Variants in CUL2 observed in about 807,000 individuals in gnomAD.
The protein encoded by CUL2 is cullin-2.
Under a neutral mutation model 110.2 loss-of-function variants are expected in CUL2, and 22 were observed. The ratio of observed to expected loss-of-function variants is 0.20; its 90% confidence interval spans 0.14 to 0.28. CUL2 has a LOEUF of 0.28. Among genes scored for constraint, CUL2 ranks in the 10% least tolerant of loss-of-function variants. The pLI is 1.00. For synonymous variants in CUL2, 279 were observed against 293.2 expected (o/e 0.95, Z 0.49); for missense variants, 631 against 905.5 (o/e 0.70, Z 3.89).
At chr10:35,112,449 C>A (rs2087534727) in intron 1 of CUL2, among the ~76,000 whole-genome samples, 1 of 152,152 alleles carries the variant, frequency 6.6e-6, no homozygotes, top group Non-Finnish European at 1.5e-5. Flanking sequence ...GTAAAGGGAA[C>A]CCAGACAGAG....
intron 6 of CUL2, among the ~76,000 whole-genome samples, chr10:35,045,889 C>A (rs980988047): frequency 6.6e-6 from 1 of 152,162 alleles, no homozygotes; most frequent in African/African-American, 2.4e-5. Context: ...ATAATTTCTT[C>A]TTTGCATTAA....
intron 9 of CUL2, among the ~76,000 whole-genome samples, chr10:35,035,624 C>T (rs1270974259): frequency 2.0e-5 from 3 of 152,184 alleles, no homozygotes; most frequent in Non-Finnish European, 4.4e-5. Flanking sequence ...CCTATCAGTA[C>T]ACAAAGCATT....
chr10:35,022,276 T>C (rs928210695), intron 17 of CUL2, among the ~76,000 whole-genome samples: 4 of 152,196 alleles, frequency 2.6e-5, no homozygotes, highest in Non-Finnish European at 5.9e-5. Context: ...AGCTAATAAG[T>C]TGTGAGCTAA....
intron 8 of CUL2, among the ~76,000 whole-genome samples, chr10:35,044,063 A>AAAAC (rs2085871205): frequency 1.4e-5 from 2 of 143,326 alleles, no homozygotes; most frequent in African/African-American, 5.9e-5. Context: ...AAAAAAAAAA[A>AAAAC]AAAAAAAAAA....
intron 1 of CUL2, among the ~76,000 whole-genome samples, chr10:35,081,496 A>G (rs1322811258): frequency 6.6e-6 from 1 of 152,180 alleles, no homozygotes; most frequent in African/African-American, 2.4e-5. Flanking sequence ...TAAATTAGAG[A>G]ATTTGAATTT....
chr10:35,078,765 T>C (rs1341534367), intron 1 of CUL2, among the ~76,000 whole-genome samples: 5 of 152,234 alleles, frequency 3.3e-5, no homozygotes, highest in Non-Finnish European at 5.9e-5. Flanking sequence ...ATAATGTAAA[T>C]GGCTAACCAC....
In CUL2 at chr10:35,035,242, A is replaced by G; in HGVS notation, c.932T>C (p.Met311Thr). The G allele has an allele frequency of 1.2e-6, 2 of 1,614,208 alleles. No homozygotes were observed. The highest frequency in any genetic ancestry group is 1.7e-6 in the Non-Finnish European group (2 of 1,180,028). ...LRAVSTGLPH[M>T]IQELQNHIHD... is the part of the protein sequence containing the mutation. Reference sequence around the variant, plus strand: ...GATGTGGTTTTGCAGCTCCTGAATCATATGAGGTAAACCAGTGGACACAGC... The same window carrying G: ...GATGTGGTTTTGCAGCTCCTGAATCGTATGAGGTAAACCAGTGGACACAGC... Residue 311 changes from methionine (M) to threonine (T), a missense_variant, in exon 10 of 21, where the codon ATG becomes ACG. Around this residue, in one of 3 missense-constraint regions of CUL2, gnomAD observed 338 missense variants for 442.5 expected, o/e 0.76. Transcript: ENST00000374749.
At chr10:35,051,610 C>T (rs1236307744) in intron 5 of CUL2, among the ~76,000 whole-genome samples, 1 of 152,166 alleles carries the variant, frequency 6.6e-6, no homozygotes, top group Non-Finnish European at 1.5e-5. Context: ...GACTCCGTCT[C>T]AAAACAACAA....
chr10:35,020,669 T>C (rs1306090326), intron 17 of CUL2, among the ~76,000 whole-genome samples: 1 of 152,202 alleles, frequency 6.6e-6, no homozygotes, highest in African/African-American at 2.4e-5. Context: ...CTACAACTTC[T>C]TGCTCTGCCA....
intron 20 of CUL2, among the ~76,000 whole-genome samples, chr10:35,011,508 C>A (rs533735204): frequency 6.6e-6 from 1 of 152,164 alleles, no homozygotes; most frequent in East Asian, 1.9e-4. Flanking sequence ...TTCCCAACTA[C>A]TCGGGAGGCT....
intron 1 of CUL2, among the ~76,000 whole-genome samples, chr10:35,073,277 T>G (rs79714044): frequency 0.15 from 22,960 of 151,924 alleles, 1,959 homozygotes; most frequent in East Asian, 0.24. Flanking sequence ...AAGGTGAGAG[T>G]GGAGGAGGTG....
intron 1 of CUL2, among the ~76,000 whole-genome samples, chr10:35,125,621 A>G (rs956863767): frequency 3.3e-5 from 5 of 152,266 alleles, no homozygotes; most frequent in Admixed American, 1.3e-4. Flanking sequence ...AGCTTCTTAG[A>G]AACTGGTTTT....
At chr10:35,096,233 G>T (rs868287671) in intron 2 of CUL2, among the ~76,000 whole-genome samples, 12 of 151,396 alleles carry the variant, frequency 7.9e-5, no homozygotes, top group South Asian at 2.1e-4. Flanking sequence ...ACAGAGTAAG[G>T]CTCTGTCTCA....
At position 35,010,429 on chromosome 10, in the gene CUL2, G is replaced by T; in HGVS notation, c.2120C>A (p.Ser707Ter). The T allele has an allele frequency of 1.2e-6, 2 of 1,608,990 alleles. No homozygotes were observed. The highest frequency in any genetic ancestry group is 2.2e-5 in the South Asian group (2 of 90,266). The change falls in exon 21 of 21, where the codon TCA becomes TAA. Residue 707 changes from serine to a stop codon, truncating the protein, a stop_gained. Coordinates refer to ENST00000374749, the MANE Select transcript of CUL2 (RefSeq NM_003591.4). LOFTEE classifies it high-confidence loss of function. Reference sequence around the variant, plus strand: ...GATACTGGGATTAAACCTAGCTCTTGACTGGCTAATCACCTGTGGAAGAGA... The same window carrying T: ...GATACTGGGATTAAACCTAGCTCTTTACTGGCTAATCACCTGTGGAAGAGA... ...NALIQEVISQ[S>*]RARFNPSISM...
At chr10:35,082,449 G>A (rs1348998770) in intron 1 of CUL2, among the ~76,000 whole-genome samples, 2 of 152,108 alleles carry the variant, frequency 1.3e-5, no homozygotes, top group African/African-American at 2.4e-5. Context: ...GTCTAGTAAC[G>A]AAAAAGTTTT....
chr10:35,037,073 C>A (rs2085640994), intron 9 of CUL2, among the ~76,000 whole-genome samples: 1 of 152,020 alleles, frequency 6.6e-6, no homozygotes, highest in Non-Finnish European at 1.5e-5. Context: ...CTTTTTGTGT[C>A]CTATTTAAAA....
At chr10:35,117,796 C>T (rs1299819723) in intron 1 of CUL2, among the ~76,000 whole-genome samples, 1 of 152,138 alleles carries the variant, frequency 6.6e-6, no homozygotes, top group Non-Finnish European at 1.5e-5. Flanking sequence ...AAATATGTGA[C>T]CTTGAATTCT....
chr10:35,109,268 A>G (rs2087500047), intron 1 of CUL2, among the ~76,000 whole-genome samples: 1 of 152,170 alleles, frequency 6.6e-6, no homozygotes, highest in Non-Finnish European at 1.5e-5. Flanking sequence ...AAACACAACA[A>G]AAAACCTGAC....
intron 1 of CUL2, among the ~76,000 whole-genome samples, chr10:35,081,520 G>A (rs917210890): frequency 1.3e-5 from 2 of 152,168 alleles, no homozygotes; most frequent in African/African-American, 4.8e-5. Context: ...AGTCCTTCAT[G>A]ACTAGGCAAG....
Sources: gnomAD v4.1 joint callset for allele counts (sites outside exome capture counted in the v4.1 genomes callset) on GRCh38, gnomAD v4.1.1 for gene constraint, gnomAD v4.1.1 regional missense constraint, MANE v1.5 for transcripts, NCBI Gene and HGNC (gene_info 2026-07-23, HGNC 2026-07-21) for gene names.